SLIT3: variants seen among roughly 807,000 people sequenced by gnomAD.
The protein encoded by SLIT3 is slit homolog 3 protein.
SLIT3 carries 68 observed loss-of-function variants against 184.0 expected under a neutral mutation model. The observed-to-expected ratio is 0.37, with a 90% CI of 0.30 to 0.45. The LOEUF (loss-of-function observed/expected upper bound fraction) is 0.45, where lower values mean the gene tolerates loss of function less well. SLIT3 is among the 20% of genes least tolerant of loss of function. The pLI is 1.00. For missense variants in SLIT3, 1,707 were observed against 2,026.0 expected (o/e 0.84, Z 3.02); for synonymous variants, 831 against 828.6 (o/e 1.00, Z -0.05).
At chr5:168,680,003 G>A (rs1328340558) in intron 32 of SLIT3, among the ~76,000 whole-genome samples, 1 of 152,222 alleles carries the variant, frequency 6.6e-6, no homozygotes, top group Non-Finnish European at 1.5e-5. Flanking sequence ...GTTTTAAAAT[G>A]GCCAACACTC....
chr5:168,793,501 A>G (rs1008950182), intron 10 of SLIT3, among the ~76,000 whole-genome samples: 1 of 152,128 alleles, frequency 6.6e-6, no homozygotes, highest in African/African-American at 2.4e-5. Context: ...TCTTGGGGGA[A>G]AAAAAGGGCA....
intron 4 of SLIT3, among the ~76,000 whole-genome samples, chr5:169,114,819 G>C (rs575728324): frequency 6.6e-6 from 1 of 152,330 alleles, no homozygotes; most frequent in African/African-American, 2.4e-5. Context: ...GCAGAGCCGG[G>C]ATTACCCACT....
intron 3 of SLIT3, among the ~76,000 whole-genome samples, chr5:169,209,346 G>A (rs1330768508): frequency 6.6e-6 from 1 of 152,178 alleles, no homozygotes; most frequent in South Asian, 2.1e-4. Context: ...ACTTTTACAC[G>A]TTGGTGGGAG....
intron 3 of SLIT3, among the ~76,000 whole-genome samples, chr5:169,242,315 C>A (rs149167757): frequency 2.0e-5 from 3 of 152,162 alleles, no homozygotes; most frequent in African/African-American, 4.8e-5. Flanking sequence ...TTCTTCAGAT[C>A]ACTTGCAATA....
At position 168,753,092 on chromosome 5, in the gene SLIT3, C is replaced by T; in HGVS notation, c.1836G>A (p.Leu612=). The change falls in exon 18 of 36, where the codon CTG becomes CTA. Residue 612 remains leucine, a synonymous_variant. Transcript: ENST00000519560. ...TCACACAGCCGATCAAGTTACTCCT[C>T]AGCATCCTACAGGGAGAGGGGTGGG... The part of the protein sequence containing the change: ...RGLSGLKTLM[L]RSNLIGCVSN... 7 of 1,614,038 alleles carry T rather than the reference C, an allele frequency of 4.3e-6. No individual in the cohort carries two copies. Among genetic ancestry groups the T allele is most frequent in the South Asian group, 1.1e-5 (1 of 91,042 alleles).
chr5:169,224,403 T>C (rs1764728283), intron 3 of SLIT3, among the ~76,000 whole-genome samples: 1 of 151,882 alleles, frequency 6.6e-6, no homozygotes, highest in Non-Finnish European at 1.5e-5. Flanking sequence ...TGAGACTAGG[T>C]CTTGCTCAGT....
intron 14 of SLIT3, among the ~76,000 whole-genome samples, chr5:168,763,143 C>A (rs78681940): frequency 6.6e-6 from 1 of 152,132 alleles, no homozygotes; most frequent in Admixed American, 6.5e-5. Flanking sequence ...GATGCTTTGA[C>A]GGGGGCTATG....
chr5:168,793,725 G>T (rs1223981094), intron 10 of SLIT3, among the ~76,000 whole-genome samples: 4 of 151,956 alleles, frequency 2.6e-5, no homozygotes, highest in African/African-American at 9.7e-5. Context: ...ATAGGTTGGG[G>T]CAGTGACTGA....
At chr5:168,830,530 G>A (rs535466306) in intron 6 of SLIT3, among the ~76,000 whole-genome samples, 2 of 152,312 alleles carry the variant, frequency 1.3e-5, no homozygotes, top group African/African-American at 4.8e-5. Context: ...TCGCTTTGAA[G>A]CTTGCCAAAA....
rs575996672 is a variant in SLIT3 at position 168,895,542 on chromosome 5, G to A, written c.414-12206C>T. 5.3e-5 allele frequency among the ~76,000 whole-genome samples: 8 copies of A among 152,326 alleles called. No individual in the cohort carries two copies. The South Asian group carries it at 1.7e-3, about 32-fold the overall frequency. On this transcript the variant is annotated intron_variant, in intron 4 of 35. Transcript: ENST00000519560. ...AATTATCTTCCACCAAAGCAGGAAA[G>A]CAATTCAGCAAGAGCTCAGCACCCT... is the stretch of plus-strand genomic sequence containing the variant.
At chr5:168,847,395 G>T (rs1168633071) in intron 5 of SLIT3, among the ~76,000 whole-genome samples, 1 of 152,196 alleles carries the variant, frequency 6.6e-6, no homozygotes, top group African/African-American at 2.4e-5. Flanking sequence ...CTCAAGACAA[G>T]ATGCCACATT....
chr5:169,152,933 G>A (rs1409871884), intron 4 of SLIT3, among the ~76,000 whole-genome samples: 2 of 152,112 alleles, frequency 1.3e-5, no homozygotes, highest in African/African-American at 4.8e-5. Flanking sequence ...GTATAGCCTG[G>A]TTTCGCTGTG....
At chr5:168,992,733 G>C (rs954445594) in intron 4 of SLIT3, among the ~76,000 whole-genome samples, 1 of 152,164 alleles carries the variant, frequency 6.6e-6, no homozygotes, top group Non-Finnish European at 1.5e-5. Flanking sequence ...GGGTTCCAAG[G>C]GACAGAGTCT....
chr5:169,253,029 A>T (rs1445829698), intron 1 of SLIT3, among the ~76,000 whole-genome samples: 1 of 152,180 alleles, frequency 6.6e-6, no homozygotes, highest in East Asian at 1.9e-4. Context: ...CTAGCTTGTG[A>T]TGGAGAAAAG....
chr5:169,232,422 G>A (rs1267517886), intron 3 of SLIT3, among the ~76,000 whole-genome samples: 4 of 151,966 alleles, frequency 2.6e-5, no homozygotes, highest in East Asian at 1.9e-4. Context: ...ATGGGGTTTC[G>A]CCATGTTGGT....
intron 2 of SLIT3, among the ~76,000 whole-genome samples, chr5:169,245,275 G>A (rs986086332): frequency 6.6e-6 from 1 of 152,018 alleles, no homozygotes; most frequent in Non-Finnish European, 1.5e-5. Flanking sequence ...TGAGACCCCA[G>A]CTAATCCCAA....
rs768911169 is a variant in SLIT3, at chr5:168,669,959, G to T, written c.4160C>A (p.Thr1387Asn). The T allele has an allele frequency of 5.0e-6, 8 of 1,614,158 alleles. No individual in the cohort carries two copies. The South Asian group carries it at 5.5e-5, about 11-fold the overall frequency. Residue 1387 changes from threonine to asparagine, a missense_variant, in exon 35 of 36, where the codon ACC becomes AAC. By Grantham distance (65) the Thr-to-Asn change is moderately conservative. Transcript: ENST00000519560. ...CHHGKCVATG[T>N]SYMCKCAEGY... is the part of the protein sequence containing the mutation. The stretch of plus-strand genomic sequence containing the variant: ...CTCGGCACACTTGCACATGTATGAG[G>T]TCCCAGTTGCCACACATTTTCCATG...
rs1162708065 is a variant in SLIT3, at chr5:168,664,836, G to C, written c.*1618C>G. The C allele has an allele frequency of 2.6e-5, 4 of 152,350 alleles. No homozygotes were observed. Among genetic ancestry groups the C allele is most frequent in the African/African-American group, 9.7e-5 (4 of 41,448 alleles). 9.4% of individuals were successfully genotyped at this position (152,350 alleles called of 1,614,324 possible). A position where few individuals can be genotyped will look rare whatever the true frequency, so the allele number is the denominator to read the frequency against. On this transcript the variant is annotated 3_prime_UTR_variant, in exon 36 of 36. Coordinates refer to ENST00000519560, the MANE Select transcript of SLIT3 (RefSeq NM_003062.4). ...AGTGAGGGAGGGAGAGACATGGAAA[G>C]AAACAGGGGCAGGGAAGTCCCCTTC...
At chr5:168,736,419 T>C (rs529886870) in intron 20 of SLIT3, among the ~76,000 whole-genome samples, 13 of 152,334 alleles carry the variant, frequency 8.5e-5, no homozygotes, top group African/African-American at 3.1e-4. Flanking sequence ...TCCAGCTGGC[T>C]GGAGGCACAT....
Sources: allele counts gnomAD v4.1 joint callset (sites outside exome capture counted in the v4.1 genomes callset), GRCh38; gene constraint gnomAD v4.1.1; transcripts MANE v1.5; gene names NCBI Gene and HGNC (gene_info 2026-07-23, HGNC 2026-07-21).